PLEKHA7: variants seen among roughly 807,000 people sequenced by gnomAD.
PLEKHA7 encodes pleckstrin homology domain-containing family A member 7.
PLEKHA7 carries 104 observed loss-of-function variants against 170.0 expected under a neutral mutation model. That is an observed-to-expected ratio of 0.61 (90% CI 0.52 to 0.72). The LOEUF (loss-of-function observed/expected upper bound fraction) is 0.72. PLEKHA7 is among the 30% of genes least tolerant of loss of function. The pLI is 0.00. For synonymous variants in PLEKHA7, 648 were observed against 660.8 expected (o/e 0.98, Z 0.30); for missense variants, 1,615 against 1,671.7 (o/e 0.97, Z 0.59).
chr11:16,885,736 G>A (rs897782206), intron 3 of PLEKHA7, among the ~76,000 whole-genome samples: 7 of 145,962 alleles, frequency 4.8e-5, no homozygotes, highest in Non-Finnish European at 1.1e-4. Context: ...GCTCACATCT[G>A]TAATCCCAGC....
intron 3 of PLEKHA7, among the ~76,000 whole-genome samples, chr11:16,978,988 G>C (rs1203850575): frequency 6.6e-6 from 1 of 152,108 alleles, no homozygotes; most frequent in African/African-American, 2.4e-5. Flanking sequence ...TCCCTCCCCA[G>C]CCACCAGAAC....
chr11:16,884,167 T>C (rs192423955), intron 3 of PLEKHA7, among the ~76,000 whole-genome samples: 2 of 152,170 alleles, frequency 1.3e-5, no homozygotes, highest in East Asian at 3.9e-4. Context: ...ACCACTCCAG[T>C]CCTTTGAGAG....
At chr11:16,979,131 G>A (rs572700087) in intron 3 of PLEKHA7, among the ~76,000 whole-genome samples, 6 of 152,252 alleles carry the variant, frequency 3.9e-5, no homozygotes, top group Admixed American at 2.0e-4. Context: ...TCCGCCTCCC[G>A]GGTTCAAGCA....
At chr11:16,841,147 T>A (rs935973573) in intron 9 of PLEKHA7, among the ~76,000 whole-genome samples, 2 of 152,186 alleles carry the variant, frequency 1.3e-5, no homozygotes, top group Non-Finnish European at 2.9e-5. Flanking sequence ...GATCTCTGAT[T>A]ATATGCTTGG....
intron 3 of PLEKHA7, among the ~76,000 whole-genome samples, chr11:16,980,469 G>A (rs1425410822): frequency 6.6e-6 from 1 of 152,220 alleles, no homozygotes; most frequent in African/African-American, 2.4e-5. Context: ...CTGTTTTCCT[G>A]GATCCACAGC....
chr11:16,913,198 A>G (rs956527670), intron 3 of PLEKHA7, among the ~76,000 whole-genome samples: 1 of 152,086 alleles, frequency 6.6e-6, no homozygotes, highest in African/African-American at 2.4e-5. Context: ...CGCTTGGCCA[A>G]TGCAATTGGG....
intron 3 of PLEKHA7, among the ~76,000 whole-genome samples, chr11:16,880,796 G>T (rs563041804): frequency 1.3e-5 from 2 of 152,288 alleles, no homozygotes; most frequent in South Asian, 4.1e-4. Context: ...AGAACACCCA[G>T]TTTTATGCTT....
chr11:16,816,407 GAACACT>G, intron 11 of PLEKHA7, 143 bp from the exon 12 acceptor site: 1 of 663,078 alleles, frequency 1.5e-6, no homozygotes, highest in Non-Finnish European at 2.7e-6. Flanking sequence ...CTCAGGGTTA[GAACACT>G]AAACTGTGAA....
chr11:17,005,268 C>A (rs555556553), intron 3 of PLEKHA7, among the ~76,000 whole-genome samples: 3 of 152,198 alleles, frequency 2.0e-5, no homozygotes, highest in Non-Finnish European at 4.4e-5. Context: ...CGGTGGCCCA[C>A]GCCTGTAATC....
chr11:16,800,765 G>T (rs577434896), intron 17 of PLEKHA7, among the ~76,000 whole-genome samples: 1 of 152,254 alleles, frequency 6.6e-6, no homozygotes, highest in East Asian at 1.9e-4. Flanking sequence ...GGGGAATGGG[G>T]TGAAGCTTCT....
At position 16,931,604 on chromosome 11, in the gene PLEKHA7, AC is replaced by A. The variant is rs530391493; in HGVS notation, c.222-60423del. Among the ~76,000 whole-genome samples the A allele has an allele frequency of 1.7e-3, 252 of 151,814 alleles. 5 individuals carry two copies. The highest frequency in any genetic ancestry group is 5.6e-3 in the South Asian group (27 of 4,802). On this transcript the variant is annotated intron_variant, in intron 3 of 26. Transcript: ENST00000531066. ...CAAACACAACACAAAACAAAACAAA[AC>A]AAAAAAAACTTAGCTGGGCATGGTG... is the stretch of plus-strand genomic sequence containing the variant.
intron 3 of PLEKHA7, among the ~76,000 whole-genome samples, chr11:16,972,059 G>A (rs544145415): frequency 1.3e-5 from 2 of 152,202 alleles, no homozygotes; most frequent in East Asian, 3.9e-4. Flanking sequence ...CAGGCCTCAA[G>A]TGATCCACCC....
chr11:16,858,402 G>A (rs1482646715), intron 4 of PLEKHA7, among the ~76,000 whole-genome samples: 1 of 152,132 alleles, frequency 6.6e-6, no homozygotes, highest in African/African-American at 2.4e-5. Context: ...TCTGTAGGAC[G>A]AAGAAAAGAC....
intron 13 of PLEKHA7, chr11:16,807,157 C>T (rs944181339): frequency 7.1e-6 from 7 of 984,854 alleles, no homozygotes; most frequent in East Asian, 2.3e-4. Flanking sequence ...TCTCCTGGGC[C>T]GACAGCCCCG....
chr11:16,968,015 G>A (rs569145524), intron 3 of PLEKHA7, among the ~76,000 whole-genome samples: 103 of 152,210 alleles, frequency 6.8e-4, no homozygotes, highest in Admixed American at 1.8e-3. Flanking sequence ...CTGGAGAGAC[G>A]GAGGGAAAGA....
chr11:16,939,398 A>T (rs1006968456), intron 3 of PLEKHA7, among the ~76,000 whole-genome samples: 1 of 152,212 alleles, frequency 6.6e-6, no homozygotes, highest in Non-Finnish European at 1.5e-5. Context: ...TGGGTGACAC[A>T]GCAAGGCTCT....
chr11:16,851,479 C>T (rs1852951749), intron 7 of PLEKHA7, among the ~76,000 whole-genome samples, 188 bp from the exon 8 acceptor site: 1 of 152,042 alleles, frequency 6.6e-6, no homozygotes, highest in Admixed American at 6.6e-5. Context: ...GACGGAGTTT[C>T]GCTCTTGTTG....
chr11:16,968,319 C>T (rs1862497978), intron 3 of PLEKHA7, among the ~76,000 whole-genome samples: 2 of 152,342 alleles, frequency 1.3e-5, no homozygotes, highest in South Asian at 2.1e-4. Flanking sequence ...GCACAGCACA[C>T]ACGAGGCTCC....
chr11:16,845,960 C>A (rs1369345051), intron 8 of PLEKHA7, among the ~76,000 whole-genome samples: 1 of 152,126 alleles, frequency 6.6e-6, no homozygotes, highest in African/African-American at 2.4e-5. Context: ...AAGTTTACAA[C>A]TTGCAGAGGT....
Sources: allele counts gnomAD v4.1 joint callset (sites outside exome capture counted in the v4.1 genomes callset), GRCh38; gene constraint gnomAD v4.1.1; transcripts MANE v1.5; gene names NCBI Gene and HGNC (gene_info 2026-07-23, HGNC 2026-07-21).